The following MYLK variants were observed in gnomAD, a reference collection of about 807,000 sequenced individuals.
MYLK encodes the protein myosin light chain kinase, smooth muscle.
In MYLK, 106 loss-of-function variants were observed where a neutral mutation model predicts 203.4. The ratio of observed to expected loss-of-function variants is 0.52; its 90% CI spans 0.45 to 0.61. The LOEUF (loss-of-function observed/expected upper bound fraction) is 0.61, where lower values mean the gene tolerates loss of function less well. Among genes scored for constraint, MYLK ranks in the 20% least tolerant of loss-of-function variants. The probability of loss-of-function intolerance (pLI) is 0.00; values close to 1 mark genes in which losing one functional copy is unlikely to be tolerated. For synonymous variants in MYLK, 867 were observed against 959.5 expected, an observed-to-expected ratio of 0.90 and a Z score of 1.78; for missense variants, 2,072 against 2,442.3, an observed-to-expected ratio of 0.85 and a Z score of 3.20.
Position 123,692,215 on chromosome 3 carries a change from A to C in MYLK, c.3565+520T>G, listed in dbSNP as rs556982382. 17 of 674,410 alleles carry C rather than the reference A, an allele frequency of 2.5e-5. No homozygotes were observed. In the African/African-American group the frequency reaches 2.8e-4, roughly 11 times the overall value. The allele number at this position is 674,410 out of a possible 1,614,324, so 41.8% of individuals were successfully genotyped here. On this transcript the variant is annotated intron_variant, in intron 19 of 33. Coordinates refer to ENST00000360304, the MANE Select transcript of MYLK (RefSeq NM_053025.4). ...CACCTCCCTCTGCAGTATTATTATT[A>C]CTACTACCATTTTGTTTTGGCAGAG...
chr3:123,700,323 G>A lies in MYLK; in HGVS notation c.3145C>T (p.Pro1049Ser). Residue 1049 changes from proline (P) to serine (S), a missense_variant, in exon 18 of 34, where the codon CCC becomes TCC. Pro to Ser is a moderately conservative substitution (Grantham distance 74). Coordinates refer to ENST00000360304, the MANE Select transcript of MYLK (RefSeq NM_053025.4). ...TCATCAGGCTTGGCATTGCCCATGG[G>A]CTTCAGGGTCTCGGCAGGCTTGGCG... ...GNAKPAETLK[P>S]MGNAKPDENL... 4 of 1,613,780 alleles carry A rather than the reference G, an allele frequency of 2.5e-6. No homozygotes were observed. Among genetic ancestry groups the A allele is most frequent in the Non-Finnish European group, 3.4e-6 (4 of 1,179,922 alleles).
chr3:123,640,223 G>T lies in MYLK; in HGVS notation c.4837+64C>A. On this transcript the variant is annotated intron_variant, in intron 28 of 33. Transcript: ENST00000360304. This position sits in a 1 kb window ranked among gnomAD's most constrained non-coding sequence, Gnocchi z 4.3. The stretch of plus-strand genomic sequence containing the variant: ...TACTGTATGTTTCCTCTCACACTCA[G>T]TGTGAGAGGAAACGGCCAGTGCAAT... 1.4e-6 allele frequency: 2 copies of T among 1,464,692 alleles called. No homozygotes were observed. Among genetic ancestry groups the T allele is most frequent in the East Asian group, 4.5e-5 (2 of 44,102 alleles). 90.7% of individuals were successfully genotyped at this position (1,464,692 alleles called of 1,614,324 possible).
intron 4 of MYLK, among the ~76,000 whole-genome samples, chr3:123,761,519 A>G (rs2063533680): frequency 6.6e-6 from 1 of 152,028 alleles, no homozygotes. Flanking sequence ...CATCTCTTTG[A>G]CTCTGCTGGA....
At chr3:123,799,334 A>G (rs1290269403) in intron 3 of MYLK, among the ~76,000 whole-genome samples, 2 of 152,222 alleles carry the variant, frequency 1.3e-5, no homozygotes, top group South Asian at 4.1e-4. Context: ...TCTTGAACCC[A>G]GAAAGGAACA....
chr3:123,636,775 C>T (rs914116156), intron 29 of MYLK, among the ~76,000 whole-genome samples: 2 of 152,158 alleles, frequency 1.3e-5, no homozygotes, highest in African/African-American at 4.8e-5. Context: ...ACACCTGGCC[C>T]GGGGTTTTTC....
chr3:123,859,287 C>A (rs1415067957), intron 2 of MYLK, among the ~76,000 whole-genome samples: 1 of 152,226 alleles, frequency 6.6e-6, no homozygotes, highest in Non-Finnish European at 1.5e-5. Flanking sequence ...CATTTGTAAA[C>A]CCAGTTGGGT....
At chr3:123,848,460 C>T (rs549340516) in intron 2 of MYLK, among the ~76,000 whole-genome samples, 32 of 151,934 alleles carry the variant, frequency 2.1e-4, no homozygotes, top group Non-Finnish European at 4.0e-4. Context: ...TCCCTTGTTC[C>T]GTACTAACAT....
At chr3:123,633,807 A>G (rs1362434302) in intron 29 of MYLK, among the ~76,000 whole-genome samples, 1 of 152,138 alleles carries the variant, frequency 6.6e-6, no homozygotes, top group Non-Finnish European at 1.5e-5. Flanking sequence ...AGGGTGCAGA[A>G]ATGCCTCTTG....
At chr3:123,757,268 G>A (rs963569069) in intron 4 of MYLK, among the ~76,000 whole-genome samples, 2 of 152,184 alleles carry the variant, frequency 1.3e-5, no homozygotes, top group African/African-American at 4.8e-5. Flanking sequence ...TCAGAGCAGG[G>A]GCAAATTCTT....
At chr3:123,795,989 G>A (rs968527237) in intron 3 of MYLK, among the ~76,000 whole-genome samples, 1 of 152,132 alleles carries the variant, frequency 6.6e-6, no homozygotes, top group African/African-American at 2.4e-5. Context: ...AAAGGGACTA[G>A]GCTCATTTGT....
intron 24 of MYLK, among the ~76,000 whole-genome samples, chr3:123,654,941 CT>C: frequency 6.6e-6 from 1 of 152,092 alleles, no homozygotes; most frequent in South Asian, 2.1e-4. Context: ...TACTCTTGAA[CT>C]CCTGAGCTCA....
chr3:123,763,000 A>G (rs756579416), intron 4 of MYLK, among the ~76,000 whole-genome samples: 3 of 152,232 alleles, frequency 2.0e-5, no homozygotes, highest in Non-Finnish European at 4.4e-5. Flanking sequence ...TTAAGCTCTC[A>G]AATCTGCCCC....
intron 32 of MYLK, 99 bp from the exon 33 acceptor site, chr3:123,618,869 TAGC>T: frequency 6.6e-7 from 1 of 1,511,254 alleles, no homozygotes; most frequent in Non-Finnish European, 9.1e-7. Flanking sequence ...TGCTATGATT[TAGC>T]AAAGAAGGCA....
At position 123,642,876 on chromosome 3, in the gene MYLK, G is replaced by C. The variant is rs892455126; in HGVS notation, c.4620-2372C>G. 3.9e-5 allele frequency among the ~76,000 whole-genome samples: 6 copies of C among 152,192 alleles called. No individual in the cohort carries two copies. Among genetic ancestry groups the C allele is most frequent in the Non-Finnish European group, 7.3e-5 (5 of 68,046 alleles). On this transcript the variant is annotated intron_variant, in intron 27 of 33. Coordinates refer to ENST00000360304, the MANE Select transcript of MYLK (RefSeq NM_053025.4). The surrounding 1 kb of genome is among the most constrained non-coding windows in gnomAD (Gnocchi z 4.2). ...TTTTCTATGTAAAGAATCACTTGGGGCTCTTATTAAAAATACAAATTCCCA... is the reference window on the plus strand; with the variant it reads ...TTTTCTATGTAAAGAATCACTTGGGCCTCTTATTAAAAATACAAATTCCCA...
intron 2 of MYLK, among the ~76,000 whole-genome samples, chr3:123,854,325 A>G (rs910235316): frequency 6.6e-6 from 1 of 151,998 alleles, no homozygotes; most frequent in Non-Finnish European, 1.5e-5. Flanking sequence ...TTCTTAAAAA[A>G]TCTATAATTA....
In MYLK at chr3:123,629,363, A is replaced by C; in HGVS notation, c.5114+111T>G. The C allele has an allele frequency of 1.5e-6, 2 of 1,359,166 alleles. No individual in the cohort carries two copies. The highest frequency in any genetic ancestry group is 2.2e-4 in the Middle Eastern group (1 of 4,564). The allele number at this position is 1,359,166 out of a possible 1,614,324, so 84.2% of individuals were successfully genotyped here. On this transcript the variant is annotated intron_variant, in intron 30 of 33. Transcript: ENST00000360304. This position sits in a 1 kb window ranked among gnomAD's most constrained non-coding sequence, Gnocchi z 4.4. ...CCTTCCTCAGGGAATGCTAGGAACG[A>C]CCCAAGGCGGGGTGGCAAGGAGGGC... is the stretch of plus-strand genomic sequence containing the variant.
Position 123,642,996 on chromosome 3 carries a change from A to T in MYLK, c.4620-2492T>A, listed in dbSNP as rs908235328. Reference sequence around the variant, plus strand: ...TACTCCAGGTCATCCTTATGATCAGACAAGTTTGAGAAATACTGGCTTACT... The same window carrying T: ...TACTCCAGGTCATCCTTATGATCAGTCAAGTTTGAGAAATACTGGCTTACT... On this transcript the variant is annotated intron_variant, in intron 27 of 33. Transcript: ENST00000360304. The surrounding 1 kb of genome is among the most constrained non-coding windows in gnomAD (Gnocchi z 4.2). Among the ~76,000 whole-genome samples the T allele has an allele frequency of 4.6e-5, 7 of 152,320 alleles. No individual in the cohort carries two copies. Among genetic ancestry groups the T allele is most frequent in the Admixed American group, 1.3e-4 (2 of 15,302 alleles).
rs1289095714 is a variant in MYLK, at chr3:123,884,207, C to G, written c.-187G>C. On this transcript the variant is annotated splice_region_variant and 5_prime_UTR_variant, in exon 1 of 34. Coordinates refer to ENST00000360304, the MANE Select transcript of MYLK (RefSeq NM_053025.4). ...AAAGCATGGGGCGGGCTCACTCACC[C>G]GCGCGGCGAAGGCGGCCCGGGAGCC... 6.6e-6 allele frequency: 1 copy of G among 151,016 alleles called. No homozygotes were observed. The highest frequency in any genetic ancestry group is 1.5e-5 in the Non-Finnish European group (1 of 67,700). The allele number at this position is 151,016 out of a possible 1,614,324, so 9.4% of individuals were successfully genotyped here.
At chr3:123,621,722 T>C (rs1163577074) in intron 31 of MYLK, 1 of 152,304 alleles carries the variant, frequency 6.6e-6, no homozygotes, top group African/African-American at 2.4e-5. Flanking sequence ...CTCATGCACT[T>C]TGGACAGACA....
Sources: gnomAD v4.1 joint callset for allele counts (sites outside exome capture counted in the v4.1 genomes callset) on GRCh38, gnomAD v4.1.1 for gene constraint, Gnocchi (gnomAD v3.1) non-coding constraint, MANE v1.5 for transcripts, NCBI Gene and HGNC (gene_info 2026-07-23, HGNC 2026-07-21) for gene names.